The following FGF14 variants were observed in gnomAD, a reference collection of about 807,000 sequenced individuals.
The protein encoded by FGF14 is fibroblast growth factor 14, also known as fibroblast growth factor homologous factor 4.
In FGF14, 5 loss-of-function variants were observed where a neutral mutation model predicts 25.5. The ratio of observed to expected loss-of-function variants is 0.20; its 90% CI spans 0.10 to 0.41. The LOEUF is 0.41. FGF14 is among the 10% of genes least tolerant of loss of function. The probability of loss-of-function intolerance (pLI) is 1.00; values close to 1 mark genes in which losing one functional copy is unlikely to be tolerated. For missense variants in FGF14, 222 were observed against 320.1 expected, an observed-to-expected ratio of 0.69 and a Z score of 2.34; for synonymous variants, 138 against 118.3, an observed-to-expected ratio of 1.17 and a Z score of -1.08.
At chr13:102,020,867 T>G (rs1235943274) in intron 1 of FGF14, among the ~76,000 whole-genome samples, 1 of 151,242 alleles carries the variant, frequency 6.6e-6, no homozygotes, top group African/African-American at 2.4e-5. Context: ...GATGACCAAA[T>G]TGAAATGGCA....
intron 1 of FGF14, among the ~76,000 whole-genome samples, chr13:102,330,868 ATTCT>A (rs749424181): frequency 2.1e-4 from 32 of 152,296 alleles, no homozygotes; most frequent in Non-Finnish European, 3.4e-4. Flanking sequence ...TGAAATCAGG[ATTCT>A]TTGTCTACTT....
At chr13:102,326,683 G>GGAA (rs2056441191) in intron 1 of FGF14, among the ~76,000 whole-genome samples, 2 of 68,890 alleles carry the variant, frequency 2.9e-5, no homozygotes, top group African/African-American at 1.4e-4. Context: ...GGGAAGGGAA[G>GGAA]GGAAGGGAAG....
intron 1 of FGF14, among the ~76,000 whole-genome samples, chr13:102,382,507 C>A (rs989046297): frequency 2.0e-5 from 3 of 151,940 alleles, no homozygotes; most frequent in African/African-American, 4.8e-5. Context: ...AAATTAGAAC[C>A]CTCATACATT....
At chr13:102,034,274 G>A (rs1477022203) in intron 1 of FGF14, among the ~76,000 whole-genome samples, 1 of 152,122 alleles carries the variant, frequency 6.6e-6, no homozygotes, top group Non-Finnish European at 1.5e-5. Flanking sequence ...AAGTCAGCTG[G>A]AACACCTGAT....
At chr13:101,951,704 T>TA (rs2036178433) in intron 1 of FGF14, among the ~76,000 whole-genome samples, 1 of 152,176 alleles carries the variant, frequency 6.6e-6, no homozygotes, top group Non-Finnish European at 1.5e-5. Flanking sequence ...CATTCTCAAA[T>TA]AATAAACAGG....
intron 1 of FGF14, among the ~76,000 whole-genome samples, chr13:102,155,333 C>G (rs926941207): frequency 2.0e-5 from 3 of 152,206 alleles, no homozygotes; most frequent in African/African-American, 7.2e-5. Context: ...ACAGTGCAAT[C>G]AAACTAGAAC....
rs920930656 is a variant in FGF14, at chr13:101,913,704, C to T, written c.193+2749G>A. Among the ~76,000 whole-genome samples, 6 of 150,476 alleles carry T rather than the reference C, an allele frequency of 4.0e-5. No homozygotes were observed. The East Asian group carries it at 1.2e-3, about 29-fold the overall frequency. On this transcript the variant is annotated intron_variant, in intron 1 of 4. Transcript: ENST00000376143. Reference sequence around the variant, plus strand: ...TCTGCACACACATTGCTTTTTCTACCTGCTCTTAAAATCTCTGCATCCTTC... The same window carrying T: ...TCTGCACACACATTGCTTTTTCTACTTGCTCTTAAAATCTCTGCATCCTTC...
chr13:101,977,334 G>GA (rs199908938), intron 1 of FGF14, among the ~76,000 whole-genome samples: 4,690 of 150,072 alleles, frequency 0.031, 233 homozygotes, highest in African/African-American at 0.11. Flanking sequence ...GAGTTGCAGT[G>GA]AAAAAAAAAT....
intron 1 of FGF14, among the ~76,000 whole-genome samples, chr13:102,149,373 C>A (rs1290143923): frequency 6.6e-6 from 1 of 152,072 alleles, no homozygotes; most frequent in African/African-American, 2.4e-5. Context: ...TAAAATAAGT[C>A]AACAGGCTTC....
intron 1 of FGF14, among the ~76,000 whole-genome samples, chr13:102,136,963 C>T (rs2046439758): frequency 6.6e-6 from 1 of 152,112 alleles, no homozygotes; most frequent in South Asian, 2.1e-4. Context: ...ATTACTTAGT[C>T]GAACAATATT....
rs927838609 is a variant in FGF14, at chr13:101,755,152, A to C, written c.409-28342T>G. On this transcript the variant is annotated intron_variant, in intron 3 of 4. Transcript: ENST00000376143. ...TTGGGTTAAAATTACTTTTGAGTTT[A>C]GTTCAAAAGAATGCAGAGAAGACAT... Among the ~76,000 whole-genome samples the C allele has an allele frequency of 2.6e-5, 4 of 152,224 alleles. No individual in the cohort carries two copies. The South Asian group carries it at 8.3e-4, about 31-fold the overall frequency.
intron 1 of FGF14, among the ~76,000 whole-genome samples, chr13:101,909,440 C>T (rs935668654): frequency 6.6e-6 from 1 of 151,748 alleles, no homozygotes; most frequent in Admixed American, 6.5e-5. Context: ...AGGATATGAA[C>T]AGACACTTCT....
chr13:102,325,577 G>A (rs2056398009), intron 1 of FGF14, among the ~76,000 whole-genome samples: 1 of 152,032 alleles, frequency 6.6e-6, no homozygotes, highest in South Asian at 2.1e-4. Flanking sequence ...GTGTATCATG[G>A]GTAAGGCCCT....
chr13:102,282,748 G>A (rs1028127688), intron 1 of FGF14, among the ~76,000 whole-genome samples: 1 of 151,736 alleles, frequency 6.6e-6, no homozygotes, highest in African/African-American at 2.4e-5. Context: ...ACCTCCTCTT[G>A]GAGATTCATT....
chr13:102,258,803 T>A (rs2052574626), intron 1 of FGF14, among the ~76,000 whole-genome samples: 1 of 152,242 alleles, frequency 6.6e-6, no homozygotes, highest in African/African-American at 2.4e-5. Flanking sequence ...TGTAAAAAAA[T>A]GTCAGGATCT....
At chr13:101,837,579 T>A (rs1312182148) in intron 3 of FGF14, among the ~76,000 whole-genome samples, 1 of 152,130 alleles carries the variant, frequency 6.6e-6, no homozygotes, top group Non-Finnish European at 1.5e-5. Context: ...AAGGCTTTTA[T>A]ATTGATCTTT....
chr13:102,339,051 A>G (rs2056874138), intron 1 of FGF14, among the ~76,000 whole-genome samples: 1 of 151,706 alleles, frequency 6.6e-6, no homozygotes, highest in East Asian at 1.9e-4. Flanking sequence ...TTCCCTGAAA[A>G]TAAAAATATA....
At chr13:102,106,368 C>G (rs1268818878) in intron 1 of FGF14, among the ~76,000 whole-genome samples, 1 of 152,030 alleles carries the variant, frequency 6.6e-6, no homozygotes, top group Non-Finnish European at 1.5e-5. Flanking sequence ...GTCAGGAGTT[C>G]GAGACCAGCC....
chr13:101,716,897 T>A lies in FGF14; in HGVS notation c.*5934A>T, dbSNP rs1451982782. ...CTTAATGGTGAAACTTTGCTTTGTA[T>A]GAAATTCACATTGAATTATGAAAGT... On this transcript the variant is annotated 3_prime_UTR_variant, in exon 5 of 5. Coordinates refer to ENST00000376143, the MANE Select transcript of FGF14 (RefSeq NM_004115.4). 6.6e-6 allele frequency: 1 copy of A among 152,086 alleles called. No homozygotes were observed. Among genetic ancestry groups the A allele is most frequent in the Non-Finnish European group, 1.5e-5 (1 of 68,000 alleles). 9.4% of individuals were successfully genotyped at this position (152,086 alleles called of 1,614,324 possible).
Sources: allele counts gnomAD v4.1 joint callset (sites outside exome capture counted in the v4.1 genomes callset), GRCh38; gene constraint gnomAD v4.1.1; transcripts MANE v1.5; gene names NCBI Gene and HGNC (gene_info 2026-07-23, HGNC 2026-07-21).